Variants in OTOG observed in about 807,000 individuals in gnomAD.
The protein encoded by OTOG is otogelin.
OTOG carries 296 observed loss-of-function variants against 313.8 expected under a neutral mutation model. That is an observed-to-expected ratio of 0.94 (90% CI 0.86 to 1.04). The LOEUF is 1.04. OTOG is among the 50% of genes least tolerant of loss of function. The pLI, the probability that OTOG is intolerant of heterozygous loss-of-function variation, is 0.00. For missense variants in OTOG, 3,948 were observed against 3,840.1 expected (o/e 1.03, Z -0.74); for synonymous variants, 1,533 against 1,554.9 (o/e 0.99, Z 0.33).
rs1416451161 is a variant in OTOG at position 17,573,156 on chromosome 11, C to T, written c.2159C>T (p.Pro720Leu). Residue 720 changes from proline to leucine, a missense_variant, in exon 19 of 56, where the codon CCC becomes CTC. Coordinates refer to ENST00000399397, the MANE Select transcript of OTOG (RefSeq NM_001292063.2). Reference protein sequence around the residue: ...APCSAFLSPVPYFEQCRRDAC... With the variant: ...APCSAFLSPVLYFEQCRRDAC... ...TGCTCTGCGTTCCTGAGCCCCGTGC[C>T]CTACTTTGAGCAGTGCCGCAGGGAT... 2.6e-6 allele frequency: 4 copies of T among 1,544,878 alleles called. No individual in the cohort carries two copies. Among genetic ancestry groups the T allele is most frequent in the Non-Finnish European group, 3.5e-6 (4 of 1,146,942 alleles).
intron 47 of OTOG, among the ~76,000 whole-genome samples, chr11:17,636,432 A>G (rs564252958): frequency 1.9e-4 from 29 of 152,302 alleles, no homozygotes; most frequent in African/African-American, 7.0e-4. Flanking sequence ...CACACTGATA[A>G]TAGGAGAAGC....
Position 17,573,225 on chromosome 11 carries a change from A to G in OTOG, c.2228A>G (p.His743Arg). ...GQPCLCATLA[H>R]YAHLCRRHGL... Reference sequence around the variant, plus strand: ...CCCTGCCTGTGCGCCACACTGGCCCACTACGCCCACCTGTGCCGGCGCCAT... The same window carrying G: ...CCCTGCCTGTGCGCCACACTGGCCCGCTACGCCCACCTGTGCCGGCGCCAT... The change falls in exon 19 of 56, where the codon CAC (histidine) becomes CGC (arginine). Residue 743 changes from histidine to arginine, a missense_variant. His to Arg is a conservative substitution (Grantham distance 29, BLOSUM62 0). Coordinates refer to ENST00000399397, the MANE Select transcript of OTOG (RefSeq NM_001292063.2). The G allele has an allele frequency of 6.5e-7, 1 of 1,536,222 alleles. No individual in the cohort carries two copies. Among genetic ancestry groups the G allele is most frequent in the Non-Finnish European group, 8.7e-7 (1 of 1,146,174 alleles).
Position 17,594,167 on chromosome 11 carries a change from G to A in OTOG, c.3408+1G>A. 3.2e-6 allele frequency: 5 copies of A among 1,550,630 alleles called. No homozygotes were observed. The Admixed American group carries it at 5.9e-5, about 18-fold the overall frequency. On this transcript the variant is annotated splice_donor_variant, in intron 28 of 55. Transcript: ENST00000399397. LOFTEE classifies it high-confidence loss of function. ...TGGCAGCAGTTGGGCTGCAGTTGAG[G>A]TAAAGCCTCTCTTCCAGGCTGGCTT... is the stretch of plus-strand genomic sequence containing the variant.
chr11:17,572,275 AG>A (rs1432850249), intron 18 of OTOG, 71 bp downstream of exon 18: 2 of 1,526,218 alleles, frequency 1.3e-6, no homozygotes, highest in East Asian at 2.5e-5. Context: ...AGAGATGAAA[AG>A]GGAACTCCGG....
chr11:17,570,396 T>A lies in OTOG; in HGVS notation c.1955+6T>A. On this transcript the variant is annotated splice_donor_region_variant and intron_variant, in intron 17 of 55. Coordinates refer to ENST00000399397, the MANE Select transcript of OTOG (RefSeq NM_001292063.2). ...AACACGCAGGATGACTTCCTGTACG[T>A]AGCCCTGCCACGGAACCCGAAGAAG... is the stretch of plus-strand genomic sequence containing the variant. 1 of 1,549,960 alleles carries A rather than the reference T, an allele frequency of 6.5e-7. No individual in the cohort carries two copies.
intron 10 of OTOG, 56 bp from the exon 11 acceptor site, chr11:17,558,996 T>C: frequency 7.4e-7 from 1 of 1,357,736 alleles, no homozygotes; most frequent in Non-Finnish European, 1.0e-6. Context: ...GGGATGCTGG[T>C]GGGCTGGTGG....
rs375080152 is a variant in OTOG, at chr11:17,632,202, G to A, written c.7048G>A (p.Glu2350Lys). 1.5e-5 allele frequency: 23 copies of A among 1,550,784 alleles called. No individual in the cohort carries two copies. In the East Asian group the frequency reaches 3.9e-4, roughly 26 times the overall value. The change falls in exon 42 of 56, where the codon GAG (glutamate) becomes AAG (lysine). Residue 2350 changes from glutamate (E) to lysine (K), a missense_variant. Physicochemically the swap from Glu to Lys is moderately conservative, Grantham distance 56. Transcript: ENST00000399397. ...GTGCCACAAATTTCATGTGTGCATCGAGTGGCGGCGCTCTGACTACTGCCG... is the reference window on the plus strand; with the variant it reads ...GTGCCACAAATTTCATGTGTGCATCAAGTGGCGGCGCTCTGACTACTGCCG... ...AMCHKFHVCIEWRRSDYCPFL... is the reference protein window; with the variant it reads ...AMCHKFHVCIKWRRSDYCPFL...
In OTOG at chr11:17,572,212, G is replaced by T; in HGVS notation, c.2080+8G>T. On this transcript the variant is annotated splice_region_variant and intron_variant, in intron 18 of 55. Transcript: ENST00000399397. Reference sequence around the variant, plus strand: ...ATGTGCACCTGCAAGCCGGTGAGTTGGTGGGGGAAGAGGAGAGGCATGGTT... The same window carrying T: ...ATGTGCACCTGCAAGCCGGTGAGTTTGTGGGGGAAGAGGAGAGGCATGGTT... 6.5e-7 allele frequency: 1 copy of T among 1,550,330 alleles called. No homozygotes were observed. The highest frequency in any genetic ancestry group is 8.7e-7 in the Non-Finnish European group (1 of 1,146,784).
rs978749480 is a variant in OTOG, at chr11:17,547,540, C to T, written c.94+74C>T. 18 of 1,274,352 alleles carry T rather than the reference C, an allele frequency of 1.4e-5. No homozygotes were observed. Among genetic ancestry groups the T allele is most frequent in the Non-Finnish European group, 1.6e-5 (16 of 1,011,024 alleles). 78.9% of individuals were successfully genotyped at this position (1,274,352 alleles called of 1,614,324 possible). On this transcript the variant is annotated intron_variant, in intron 1 of 55. Transcript: ENST00000399397. ...ACGTTAAAGGAATGAGGAATGGGCC[C>T]GCGCAGGTTGGAGAGAGGGAGGAAA...
At chr11:17,593,949 T>C (rs1028458198) in intron 27 of OTOG, 98 bp from the exon 28 acceptor site, 58 of 1,485,768 alleles carry the variant, frequency 3.9e-5, no homozygotes, top group Non-Finnish European at 5.1e-5. Flanking sequence ...CAGTGGCTTC[T>C]AGGTCTATGA....
intron 24 of OTOG, among the ~76,000 whole-genome samples, chr11:17,589,253 T>C (rs1852876063): frequency 6.6e-6 from 1 of 152,168 alleles, no homozygotes; most frequent in Admixed American, 6.5e-5. Flanking sequence ...CGGATTGTAT[T>C]TCCCGGGTCT....
chr11:17,573,327 G>T, intron 19 of OTOG, 37 bp downstream of exon 19: 1 of 1,486,762 alleles, frequency 6.7e-7, no homozygotes, highest in South Asian at 1.3e-5. Context: ...AGCTGGAGGA[G>T]CCAGAGCTCC....
In OTOG at chr11:17,593,324, T is replaced by C. The variant is rs1852997049; in HGVS notation, c.3138T>C (p.Asn1046=). The part of the protein sequence containing the change: ...SLIVFDDDSG[N]PSPESFLDDK... ...TTGTCTTTGATGATGACTCCGGAAA[T>C]CCTGTAAGGCTCAGTGCCTGTGAAG... The change falls in exon 26 of 56, where the codon AAT becomes AAC. Residue 1046 remains asparagine, a synonymous_variant. Transcript: ENST00000399397. 1 of 1,550,450 alleles carries C rather than the reference T, an allele frequency of 6.4e-7. No homozygotes were observed. The highest frequency in any genetic ancestry group is 1.4e-5 in the African/African-American group (1 of 73,056).
At chr11:17,643,924 G>A (rs1182481004) in intron 54 of OTOG, among the ~76,000 whole-genome samples, 2 of 152,224 alleles carry the variant, frequency 1.3e-5, no homozygotes, top group African/African-American at 4.8e-5. Context: ...GTCCCTGACA[G>A]TCCCCGTTAG....
intron 31 of OTOG, among the ~76,000 whole-genome samples, chr11:17,601,201 C>T (rs574679291): frequency 5.3e-5 from 8 of 152,244 alleles, no homozygotes; most frequent in African/African-American, 1.4e-4. Flanking sequence ...GATCCTCATC[C>T]GAAGAGCTGT....
At chr11:17,600,230 CCA>C (rs1565111355) in intron 31 of OTOG, among the ~76,000 whole-genome samples, 2 of 151,992 alleles carry the variant, frequency 1.3e-5, no homozygotes, top group African/African-American at 4.8e-5. Flanking sequence ...AACCAAAGAC[CCA>C]GGGGAGGTTA....
intron 6 of OTOG, 78 bp from the exon 7 acceptor site, chr11:17,555,701 A>G (rs1439433981): frequency 8.3e-7 from 1 of 1,200,624 alleles, no homozygotes; most frequent in Non-Finnish European, 1.2e-6. Context: ...GGCATTAGTG[A>G]AAACTCAATA....
intron 35 of OTOG, 104 bp from the exon 36 acceptor site, chr11:17,609,551 A>C: frequency 1.9e-6 from 2 of 1,071,888 alleles, no homozygotes; most frequent in South Asian, 3.4e-5. Flanking sequence ...TCACCCCATC[A>C]CCGAGAGTGC....
At chr11:17,613,370 T>TTCCC (rs1300460954) in intron 38 of OTOG, among the ~76,000 whole-genome samples, 3 of 69,004 alleles carry the variant, frequency 4.3e-5, no homozygotes, top group Non-Finnish European at 1.1e-4. Flanking sequence ...CCTTCCTTCC[T>TTCCC]TCCCTCCTTC....
Sources: gnomAD v4.1 joint callset for allele counts (sites outside exome capture counted in the v4.1 genomes callset) on GRCh38, gnomAD v4.1.1 for gene constraint, MANE v1.5 for transcripts, NCBI Gene and HGNC (gene_info 2026-07-23, HGNC 2026-07-21) for gene names.